Variants in BCO1 observed in about 807,000 individuals in gnomAD.
BCO1 encodes beta,beta-carotene 15,15'-dioxygenase.
Under a neutral mutation model 56.3 loss-of-function variants are expected in BCO1, and 54 were observed. The ratio of observed to expected loss-of-function variants is 0.96; its 90% CI spans 0.77 to 1.20. BCO1 has a LOEUF of 1.20. Ranked by LOEUF, BCO1 falls within the 50% of genes most tolerant of loss-of-function variation. The probability of loss-of-function intolerance (pLI) is 0.00; values close to 1 mark genes in which losing one functional copy is unlikely to be tolerated. For synonymous variants in BCO1, 318 were observed against 266.1 expected, an observed-to-expected ratio of 1.20 and a Z score of -1.90; for missense variants, 801 against 690.9, an observed-to-expected ratio of 1.16 and a Z score of -1.79.
chr16:81,244,271 C>A (rs1023876229), intron 1 of BCO1, among the ~76,000 whole-genome samples: 1 of 152,190 alleles, frequency 6.6e-6, no homozygotes, highest in Admixed American at 6.6e-5. Flanking sequence ...GAAAGAGAAC[C>A]TATGCCACAC....
At chr16:81,243,666 A>G (rs747365067) in intron 1 of BCO1, among the ~76,000 whole-genome samples, 4 of 151,918 alleles carry the variant, frequency 2.6e-5, no homozygotes, top group Admixed American at 1.3e-4. Context: ...GCGGGGTTTC[A>G]CCATGTTGGC....
At chr16:81,252,452 C>A (rs1056551529) in intron 2 of BCO1, among the ~76,000 whole-genome samples, 16 of 152,158 alleles carry the variant, frequency 1.1e-4, no homozygotes, top group Middle Eastern at 3.4e-3. Flanking sequence ...GACGGGGTTT[C>A]ACCATGTTGG....
At chr16:81,258,254 C>G (rs1435024396) in intron 2 of BCO1, among the ~76,000 whole-genome samples, 1 of 152,170 alleles carries the variant, frequency 6.6e-6, no homozygotes, top group Non-Finnish European at 1.5e-5. Context: ...GTCGTTACAG[C>G]AGCCGTAGAA....
intron 7 of BCO1, among the ~76,000 whole-genome samples, chr16:81,274,733 C>A (rs537588864): frequency 6.6e-6 from 1 of 152,254 alleles, no homozygotes; most frequent in South Asian, 2.1e-4. Flanking sequence ...TAAAAATTAG[C>A]TTGGCGTGGT....
At chr16:81,245,048 G>A (rs1258915309) in intron 1 of BCO1, among the ~76,000 whole-genome samples, 4 of 152,136 alleles carry the variant, frequency 2.6e-5, no homozygotes, top group East Asian at 1.9e-4. Flanking sequence ...TCACTATGAC[G>A]CCCAGCTAAT....
At chr16:81,258,284 C>T (rs1392924018) in intron 2 of BCO1, among the ~76,000 whole-genome samples, 1 of 152,150 alleles carries the variant, frequency 6.6e-6, no homozygotes, top group African/African-American at 2.4e-5. Context: ...GGGTCTAGAA[C>T]CATCTGGTAT....
intron 9 of BCO1, among the ~76,000 whole-genome samples, chr16:81,286,756 G>A (rs573803086): frequency 3.3e-5 from 5 of 152,130 alleles, no homozygotes; most frequent in African/African-American, 1.2e-4. Flanking sequence ...TATCAGCTAC[G>A]TGGTGGCCAG....
chr16:81,281,350 G>A (rs1301767516), intron 8 of BCO1, among the ~76,000 whole-genome samples: 2 of 152,184 alleles, frequency 1.3e-5, no homozygotes, highest in Admixed American at 1.3e-4. Context: ...GGAGGCTGAG[G>A]CATGAGAATC....
chr16:81,274,041 G>T (rs1465150160), intron 7 of BCO1, among the ~76,000 whole-genome samples: 1 of 152,162 alleles, frequency 6.6e-6, no homozygotes, highest in African/African-American at 2.4e-5. Context: ...AAGCACCGCA[G>T]TGCAGCCCCT....
rs779497991 is a variant in BCO1 at position 81,287,281 on chromosome 16, C to T, written c.1303-14C>T. Reference sequence around the variant, plus strand: ...AACAAGTCATTTATGTGTTTTTCCTCGTTGGATGTACAGATAATAAAATAT... The same window carrying T: ...AACAAGTCATTTATGTGTTTTTCCTTGTTGGATGTACAGATAATAAAATAT... On this transcript the variant is annotated splice_polypyrimidine_tract_variant and intron_variant, in intron 9 of 10. Coordinates refer to ENST00000258168, the MANE Select transcript of BCO1 (RefSeq NM_017429.3). The T allele has an allele frequency of 3.8e-6, 6 of 1,568,476 alleles. No individual in the cohort carries two copies. Among genetic ancestry groups the T allele is most frequent in the Middle Eastern group, 1.7e-4 (1 of 5,936 alleles).
At chr16:81,274,258 C>CTT (rs755672295) in intron 7 of BCO1, among the ~76,000 whole-genome samples, 1,887 of 80,572 alleles carry the variant, frequency 0.023, 57 homozygotes, top group African/African-American at 0.039. Flanking sequence ...GCTTGTGTAT[C>CTT]TTTTTTTTTT....
intron 2 of BCO1, among the ~76,000 whole-genome samples, chr16:81,253,481 A>G (rs1238896247): frequency 1.3e-5 from 2 of 151,986 alleles, no homozygotes; most frequent in Non-Finnish European, 2.9e-5. Context: ...GTGGAGATTG[A>G]GCCTCCTTAG....
chr16:81,284,561 T>G (rs1194612834), intron 8 of BCO1, among the ~76,000 whole-genome samples: 1 of 151,978 alleles, frequency 6.6e-6, no homozygotes, highest in Non-Finnish European at 1.5e-5. Flanking sequence ...GTAAATGTTG[T>G]TTTTCCATAA....
intron 1 of BCO1, among the ~76,000 whole-genome samples, chr16:81,241,489 G>A (rs1320333751): frequency 6.6e-6 from 1 of 152,208 alleles, no homozygotes; most frequent in African/African-American, 2.4e-5. Context: ...TCTCAAAGGG[G>A]TGGCCCCGGA....
Position 81,270,430 on chromosome 16 carries a change from A to C in BCO1, c.1101+14A>C, listed in dbSNP as rs1453225356. 6.2e-7 allele frequency: 1 copy of C among 1,613,964 alleles called. No individual in the cohort carries two copies. The highest frequency in any genetic ancestry group is 8.5e-7 in the Non-Finnish European group (1 of 1,180,006). ...CACGTGGACAAGGTAATGGCTTCCA[A>C]GGAGGTCCCTTTTCTTTCTAGAGAG... On this transcript the variant is annotated intron_variant, in intron 7 of 10. Transcript: ENST00000258168.
At chr16:81,267,087 T>C (rs1193644971) in intron 5 of BCO1, among the ~76,000 whole-genome samples, 1 of 152,134 alleles carries the variant, frequency 6.6e-6, no homozygotes, top group East Asian at 1.9e-4. Flanking sequence ...CCTTCCATGT[T>C]TGGGTGCAGG....
chr16:81,246,850 C>CAAAAAAAAAAAAAAAAAAAAAAAAAAA (rs71710906), intron 2 of BCO1, among the ~76,000 whole-genome samples: 2 of 83,340 alleles, frequency 2.4e-5, no homozygotes, highest in Non-Finnish European at 4.8e-5. Context: ...GACTTTGTCT[C>CAAAAAAAAAAAAAAAAAAAAAAAAAAA]AAAAAAAAAA....
At chr16:81,284,342 A>G (rs962278606) in intron 8 of BCO1, among the ~76,000 whole-genome samples, 1 of 150,836 alleles carries the variant, frequency 6.6e-6, no homozygotes, top group Non-Finnish European at 1.5e-5. Context: ...TTGATTATGT[A>G]AAAATAATAA....
chr16:81,285,410 C>T, intron 8 of BCO1, 130 bp from the exon 9 acceptor site: 1 of 735,816 alleles, frequency 1.4e-6, no homozygotes. Flanking sequence ...CCAATGCAGG[C>T]TCTAAATCAA....
Sources: gnomAD v4.1 joint callset for allele counts (sites outside exome capture counted in the v4.1 genomes callset) on GRCh38, gnomAD v4.1.1 for gene constraint, MANE v1.5 for transcripts, NCBI Gene and HGNC (gene_info 2026-07-23, HGNC 2026-07-21) for gene names.